Variants in SHROOM3 observed in about 807,000 individuals in gnomAD.
SHROOM3 encodes the protein protein Shroom3.
Under a neutral mutation model 138.6 loss-of-function variants are expected in SHROOM3, and 47 were observed. The observed-to-expected ratio is 0.34, with a 90% confidence interval of 0.27 to 0.43. The LOEUF is 0.43. Ranked by LOEUF, SHROOM3 falls within the 20% of genes least tolerant of loss-of-function variation. The probability of loss-of-function intolerance (pLI) is 1.00; values close to 1 mark genes in which losing one functional copy is unlikely to be tolerated. For synonymous variants in SHROOM3, 1,062 were observed against 1,063.3 expected, an observed-to-expected ratio of 1.00 and a Z score of 0.02; for missense variants, 2,491 against 2,596.5, an observed-to-expected ratio of 0.96 and a Z score of 0.88.
intron 9 of SHROOM3, among the ~76,000 whole-genome samples, chr4:76,770,324 CAAAA>C (rs529468839): frequency 1.0e-3 from 37 of 36,102 alleles, no homozygotes; most frequent in African/African-American, 2.9e-3. Flanking sequence ...AACTCTGTCT[CAAAA>C]AAAAAAAAAA....
intron 1 of SHROOM3, among the ~76,000 whole-genome samples, chr4:76,502,664 C>T (rs927969408): frequency 1.3e-5 from 2 of 152,184 alleles, no homozygotes; most frequent in Non-Finnish European, 2.9e-5. Context: ...TTGGTTTTAC[C>T]TATATCCTTA....
chr4:76,487,255 A>G (rs1248979892), intron 1 of SHROOM3, among the ~76,000 whole-genome samples: 1 of 152,202 alleles, frequency 6.6e-6, no homozygotes, highest in Non-Finnish European at 1.5e-5. Flanking sequence ...TCCATGTTGA[A>G]GTAGCATATA....
chr4:76,477,169 G>A (rs750784400), intron 1 of SHROOM3, among the ~76,000 whole-genome samples: 4 of 151,982 alleles, frequency 2.6e-5, no homozygotes, highest in Non-Finnish European at 5.9e-5. Context: ...GGGTTTCACC[G>A]TGTTAGCCAG....
chr4:76,476,008 A>G (rs1731478455), intron 1 of SHROOM3, among the ~76,000 whole-genome samples: 1 of 152,250 alleles, frequency 6.6e-6, no homozygotes, highest in South Asian at 2.1e-4. Context: ...TCTAGAAATC[A>G]CATGAAACAA....
At chr4:76,547,932 A>ACACACACAC (rs71659332) in intron 1 of SHROOM3, among the ~76,000 whole-genome samples, 11 of 146,074 alleles carry the variant, frequency 7.5e-5, no homozygotes, top group Admixed American at 1.4e-4. Context: ...CCTGTCTCAA[A>ACACACACAC]ACACACACAC....
intron 1 of SHROOM3, among the ~76,000 whole-genome samples, chr4:76,443,037 T>C (rs772254836): frequency 6.6e-6 from 1 of 152,228 alleles, no homozygotes; most frequent in Non-Finnish European, 1.5e-5. Flanking sequence ...AGTCTGACCA[T>C]GTCTTTCATA....
intron 2 of SHROOM3, among the ~76,000 whole-genome samples, chr4:76,640,991 A>G (rs1171334158): frequency 1.3e-5 from 2 of 152,198 alleles, no homozygotes; most frequent in East Asian, 3.9e-4. Context: ...GAAATGGGGG[A>G]TCGAAGTCCA....
intron 1 of SHROOM3, among the ~76,000 whole-genome samples, chr4:76,535,740 GT>G (rs1732939589): frequency 6.6e-6 from 1 of 152,238 alleles, no homozygotes; most frequent in South Asian, 2.1e-4. Flanking sequence ...TAAGCAGGGA[GT>G]TTGGCTGGGA....
intron 2 of SHROOM3, among the ~76,000 whole-genome samples, chr4:76,620,281 T>C (rs1734975212): frequency 6.6e-6 from 1 of 151,972 alleles, no homozygotes; most frequent in Non-Finnish European, 1.5e-5. Context: ...TGGGCTCTGC[T>C]GATGAAGGTG....
chr4:76,737,502 C>CAA, intron 4 of SHROOM3, among the ~76,000 whole-genome samples: 1 of 152,206 alleles, frequency 6.6e-6, no homozygotes, highest in East Asian at 1.9e-4. Flanking sequence ...AAGAAACTGC[C>CAA]AAACTTCTTT....
intron 2 of SHROOM3, among the ~76,000 whole-genome samples, chr4:76,674,778 C>T (rs1448304911): frequency 6.6e-6 from 1 of 152,022 alleles, no homozygotes; most frequent in Non-Finnish European, 1.5e-5. Flanking sequence ...TGGTCTTGAA[C>T]TTCTGGGCTC....
chr4:76,689,431 G>C (rs1183401803), intron 2 of SHROOM3: 2 of 779,462 alleles, frequency 2.6e-6, no homozygotes, highest in Admixed American at 6.5e-5. Context: ...GGGCCCGGGC[G>C]GGACGAGAGG....
intron 1 of SHROOM3, among the ~76,000 whole-genome samples, chr4:76,441,949 C>T (rs191976713): frequency 6.6e-6 from 1 of 152,232 alleles, no homozygotes; most frequent in Non-Finnish European, 1.5e-5. Context: ...CTCAAGCTCC[C>T]AACCTCGAGT....
rs533735013 is a variant in SHROOM3, at chr4:76,739,336, G to A, written c.1163G>A (p.Arg388Gln). The A allele has an allele frequency of 1.3e-5, 21 of 1,613,948 alleles. No individual in the cohort carries two copies. Among genetic ancestry groups the A allele is most frequent in the East Asian group, 6.7e-5 (3 of 44,874 alleles). Reference sequence around the variant, plus strand: ...GTGGGTGCACCCCTGCCTCCAGCTCGGAGTGACAGTTACGCAGCATTTCGG... The same window carrying A: ...GTGGGTGCACCCCTGCCTCCAGCTCAGAGTGACAGTTACGCAGCATTTCGG... ...PKVGAPLPPARSDSYAAFRHR... is the reference protein window; with the variant it reads ...PKVGAPLPPAQSDSYAAFRHR... Residue 388 changes from arginine (R) to glutamine (Q), a missense_variant, in exon 5 of 11, where the codon CGG (arginine) becomes CAG (glutamine). Coordinates refer to ENST00000296043, the MANE Select transcript of SHROOM3 (RefSeq NM_020859.4).
intron 2 of SHROOM3, among the ~76,000 whole-genome samples, chr4:76,562,968 T>C (rs1733629712): frequency 6.6e-6 from 1 of 152,078 alleles, no homozygotes; most frequent in East Asian, 1.9e-4. Flanking sequence ...TTCTCAGATA[T>C]GAAATTGCAA....
intron 2 of SHROOM3, among the ~76,000 whole-genome samples, chr4:76,578,171 G>A (rs1463466668): frequency 6.6e-6 from 1 of 152,198 alleles, no homozygotes; most frequent in African/African-American, 2.4e-5. Flanking sequence ...GGAGTGCAAT[G>A]GAAAAGTACT....
chr4:76,506,204 G>A (rs1732208207), intron 1 of SHROOM3, among the ~76,000 whole-genome samples: 3 of 151,828 alleles, frequency 2.0e-5, no homozygotes, highest in South Asian at 4.2e-4. Flanking sequence ...TTGGGGGGAG[G>A]GCATCACACA....
chr4:76,499,782 C>T (rs1420079661), intron 1 of SHROOM3, among the ~76,000 whole-genome samples: 1 of 152,056 alleles, frequency 6.6e-6, no homozygotes, highest in African/African-American at 2.4e-5. Flanking sequence ...TTAGAAGGGT[C>T]TAGAAAAACA....
At chr4:76,642,270 A>G (rs1735691989) in intron 2 of SHROOM3, among the ~76,000 whole-genome samples, 1 of 152,184 alleles carries the variant, frequency 6.6e-6, no homozygotes, top group South Asian at 2.1e-4. Context: ...CTAAAGCCTG[A>G]TCAATAAATG....
Sources: allele counts gnomAD v4.1 joint callset (sites outside exome capture counted in the v4.1 genomes callset), GRCh38; gene constraint gnomAD v4.1.1; transcripts MANE v1.5; gene names NCBI Gene and HGNC (gene_info 2026-07-23, HGNC 2026-07-21).